Variants in SEC14L1 observed in about 807,000 individuals in gnomAD.
SEC14L1 encodes SEC14-like protein 1.
A neutral mutation model predicts 85.3 loss-of-function variants in SEC14L1; 48 were observed. The ratio of observed to expected loss-of-function variants is 0.56; its 90% CI spans 0.45 to 0.72. The LOEUF (loss-of-function observed/expected upper bound fraction) is 0.72. Among genes scored for constraint, SEC14L1 ranks in the 30% least tolerant of loss-of-function variants. The pLI is 0.00. For missense variants in SEC14L1, 682 were observed against 921.4 expected (o/e 0.74, Z 3.36); for synonymous variants, 391 against 355.5 (o/e 1.10, Z -1.12).
At chr17:77,162,726 A>C (rs1164108129) in intron 3 of SEC14L1, among the ~76,000 whole-genome samples, 1 of 151,654 alleles carries the variant, frequency 6.6e-6, no homozygotes, top group Non-Finnish European at 1.5e-5. Flanking sequence ...GCTACTCGGG[A>C]GGTTGAGGCA....
upstream of SEC14L1, chr17:77,140,962 T>TCCCCCTCCCGCCTCCCCGG (rs1972978296): frequency 1.5e-5 from 2 of 136,216 alleles, no homozygotes; most frequent in Non-Finnish European, 3.1e-5. Flanking sequence ...CCGCGCCCCT[T>TCCCCCTCCCGCCTCCCCGG]CCCCCTCCCG....
At chr17:77,132,982 G>C (rs2041169588) in intron 3 of SEC14L1, among the ~76,000 whole-genome samples, 1 of 151,794 alleles carries the variant, frequency 6.6e-6, no homozygotes, top group Non-Finnish European at 1.5e-5. Context: ...CCCACTTGAG[G>C]ATCAGCCTCC....
intron 3 of SEC14L1, among the ~76,000 whole-genome samples, chr17:77,132,114 C>T (rs1415666851): frequency 6.6e-6 from 1 of 152,120 alleles, no homozygotes; most frequent in Non-Finnish European, 1.5e-5. Flanking sequence ...GAAACTTTGC[C>T]AGATGGCCCA....
Position 77,214,716 on chromosome 17 carries a change from C to G in SEC14L1, c.*693C>G. 2 of 985,548 alleles carry G rather than the reference C, an allele frequency of 2.0e-6. No homozygotes were observed. The highest frequency in any genetic ancestry group is 2.4e-6 in the Non-Finnish European group (2 of 830,014). 61.1% of individuals were successfully genotyped at this position (985,548 alleles called of 1,614,324 possible). A position where few individuals can be genotyped will look rare whatever the true frequency, so the allele number is the denominator to read the frequency against. Reference sequence around the variant, plus strand: ...CGTTAAACATTACTTTCTCTTTCCTCCTTTTCAAATCTTTTTGATACTTTT... The same window carrying G: ...CGTTAAACATTACTTTCTCTTTCCTGCTTTTCAAATCTTTTTGATACTTTT... On this transcript the variant is annotated 3_prime_UTR_variant, in exon 17 of 17. Coordinates refer to ENST00000436233, the MANE Select transcript of SEC14L1 (RefSeq NM_001143998.2).
chr17:77,194,715 A>C lies in SEC14L1; in HGVS notation c.513A>C (p.Glu171Asp). The change falls in exon 7 of 17, where the codon GAA becomes GAC. Residue 171 changes from glutamate to aspartate, a missense_variant. Coordinates refer to ENST00000436233, the MANE Select transcript of SEC14L1 (RefSeq NM_001143998.2). ...EIIEYYLRQL[E>D]EEGITFVPRW... The stretch of plus-strand genomic sequence containing the variant: ...TCGAATACTACCTTCGCCAATTAGA[A>C]GAAGAAGGCATAACCTTTGTGCCCC... 6.2e-7 allele frequency: 1 copy of C among 1,614,214 alleles called. No individual in the cohort carries two copies. The highest frequency in any genetic ancestry group is 2.2e-5 in the East Asian group (1 of 44,888).
rs1415755164 is a variant in SEC14L1 at position 77,214,483 on chromosome 17, A to C, written c.*460A>C. ...TGCCTCATGGCCCGCACGCCGCCTC[A>C]CGGCCCCCATGCTTCCCGCCAGTCA... On this transcript the variant is annotated 3_prime_UTR_variant, in exon 17 of 17. Coordinates refer to ENST00000436233, the MANE Select transcript of SEC14L1 (RefSeq NM_001143998.2). The C allele has an allele frequency of 1.3e-5, 13 of 1,000,848 alleles. No homozygotes were observed. In the South Asian group the frequency reaches 1.7e-4, roughly 13 times the overall value. The allele number at this position is 1,000,848 out of a possible 1,614,324, so 62.0% of individuals were successfully genotyped here.
chr17:77,088,953 G>A (rs482929), intron 1 of SEC14L1: 28,204 of 155,642 alleles, frequency 0.18, 2,936 homozygotes, highest in East Asian at 0.34. Flanking sequence ...ATCGCAAGTA[G>A]GGCTTGGACG....
At chr17:77,127,025 T>TA (rs909968948) in intron 3 of SEC14L1, among the ~76,000 whole-genome samples, 3 of 151,442 alleles carry the variant, frequency 2.0e-5, no homozygotes, top group Non-Finnish European at 2.9e-5. Flanking sequence ...TTTCTTCTTT[T>TA]AAAAAAAAGG....
In SEC14L1 at chr17:77,213,624, T is replaced by A; in HGVS notation, c.2042+132T>A. The A allele has an allele frequency of 1.8e-6, 2 of 1,100,542 alleles. No homozygotes were observed. The highest frequency in any genetic ancestry group is 2.7e-6 in the Non-Finnish European group (2 of 747,852). 68.2% of individuals were successfully genotyped at this position (1,100,542 alleles called of 1,614,324 possible). On this transcript the variant is annotated intron_variant, in intron 16 of 16. Transcript: ENST00000436233. The surrounding 1 kb of genome is among the most constrained non-coding windows in gnomAD (Gnocchi z 7.1). ...GAATGCTTGGAGGGCCAGGAGGGAG[T>A]GGCTTTGGGGTCATTTGTTGGCACG...
rs542393459 is a variant in SEC14L1 at position 77,210,955 on chromosome 17, G to C, written c.1612-995G>C. On this transcript the variant is annotated intron_variant, in intron 14 of 16. Transcript: ENST00000436233. ...GCGGAGGCCCCCACTGTGAATGCAGGAAAGAGGTTCCGTCAGCACAGGGGG... is the reference window on the plus strand; with the variant it reads ...GCGGAGGCCCCCACTGTGAATGCAGCAAAGAGGTTCCGTCAGCACAGGGGG... The C allele has an allele frequency of 2.6e-5, 4 of 152,386 alleles. No individual in the cohort carries two copies. In the East Asian group the frequency reaches 5.8e-4, roughly 22 times the overall value. The allele number at this position is 152,386 out of a possible 1,614,324, so 9.4% of individuals were successfully genotyped here. A position where few individuals can be genotyped will look rare whatever the true frequency, so the allele number is the denominator to read the frequency against.
chr17:77,091,673 C>T (rs16969668), intron 2 of SEC14L1, among the ~76,000 whole-genome samples: 9,779 of 152,192 alleles, frequency 0.064, 476 homozygotes, highest in East Asian at 0.27. Flanking sequence ...GCCACCTTTC[C>T]GGGAGTCGTG....
upstream of SEC14L1, among the ~76,000 whole-genome samples, chr17:77,138,128 A>C (rs1972849431): frequency 6.6e-6 from 1 of 152,096 alleles, no homozygotes; most frequent in African/African-American, 2.4e-5. Flanking sequence ...CCACAAGATC[A>C]GATGAGCCTG....
chr17:77,209,216 G>A, intron 13 of SEC14L1, 126 bp from the exon 14 acceptor site: 1 of 1,116,646 alleles, frequency 9.0e-7, no homozygotes, highest in Non-Finnish European at 1.3e-6. Flanking sequence ...GACCCTGCCA[G>A]TGTTTTCCAT....
chr17:77,209,585 T>A, intron 14 of SEC14L1, 109 bp downstream of exon 14: 1 of 1,206,826 alleles, frequency 8.3e-7, no homozygotes, highest in Non-Finnish European at 1.1e-6. Flanking sequence ...CTCGTTTTTC[T>A]GCTCTTTGTC....
intron 9 of SEC14L1, among the ~76,000 whole-genome samples, chr17:77,202,966 A>C (rs920655924): frequency 6.6e-6 from 1 of 151,748 alleles, no homozygotes; most frequent in African/African-American, 2.4e-5. Context: ...AGTAGAGCCA[A>C]CACAGGCTGC....
chr17:77,092,910 T>C (rs1440466117), intron 2 of SEC14L1, among the ~76,000 whole-genome samples: 1 of 145,636 alleles, frequency 6.9e-6, no homozygotes, highest in African/African-American at 2.6e-5. Flanking sequence ...ATCACGCCAT[T>C]GCACACTCCA....
At position 77,193,447 on chromosome 17, in the gene SEC14L1, C is replaced by G. The variant is rs1975643152; in HGVS notation, c.372C>G (p.Thr124=). Residue 124 remains threonine (T), a synonymous_variant, in exon 6 of 17, where the codon ACC becomes ACG. Coordinates refer to ENST00000436233, the MANE Select transcript of SEC14L1 (RefSeq NM_001143998.2). ...TTCACCCTGAAAATGAAGATTGGAC[C>G]TGTTTTGAACAGTCTGCAAGTTTAG... ...YTVHPENEDW[T]CFEQSASLDI... is the part of the protein sequence containing the mutation. 5 of 1,605,506 alleles carry G rather than the reference C, an allele frequency of 3.1e-6. No homozygotes were observed. The African/African-American group carries it at 4.0e-5, about 13-fold the overall frequency.
chr17:77,174,417 G>C (rs966800292), intron 3 of SEC14L1, among the ~76,000 whole-genome samples: 1 of 152,172 alleles, frequency 6.6e-6, no homozygotes. Flanking sequence ...CGGAACCACA[G>C]ATCCGGACTC....
At chr17:77,152,314 T>A (rs1255026209) in intron 3 of SEC14L1, among the ~76,000 whole-genome samples, 1 of 151,954 alleles carries the variant, frequency 6.6e-6, no homozygotes, top group Non-Finnish European at 1.5e-5. Context: ...GGCGGGTGGA[T>A]CATTTGAGGT....
Sources: allele counts gnomAD v4.1 joint callset (sites outside exome capture counted in the v4.1 genomes callset), GRCh38; gene constraint gnomAD v4.1.1; non-coding constraint Gnocchi (gnomAD v3.1); transcripts MANE v1.5; gene names NCBI Gene and HGNC (gene_info 2026-07-23, HGNC 2026-07-21).